Variants in FHIT observed in about 807,000 individuals in gnomAD.
The protein encoded by FHIT is bis(5'-adenosyl)-triphosphatase.
In FHIT, 19 loss-of-function variants were observed where a neutral mutation model predicts 17.9. The observed-to-expected ratio is 1.06, with a 90% CI of 0.74 to 1.56. The LOEUF is 1.56. FHIT is among the 40% of genes most tolerant of loss of function. FHIT has a pLI of 0.00. For missense variants in FHIT, 248 were observed against 189.2 expected (o/e 1.31, Z -1.82); for synonymous variants, 81 against 69.7 (o/e 1.16, Z -0.81).
At chr3:60,029,869 C>T (rs1700913651) in intron 5 of FHIT, among the ~76,000 whole-genome samples, 2 of 78,666 alleles carry the variant, frequency 2.5e-5, no homozygotes, top group Non-Finnish European at 2.6e-5. Context: ...CAGATGTCCT[C>T]ATAGAAGCAT....
chr3:59,797,109 T>TGTAA (rs1162395113), intron 8 of FHIT, among the ~76,000 whole-genome samples: 1 of 151,408 alleles, frequency 6.6e-6, no homozygotes, highest in Non-Finnish European at 1.5e-5. Flanking sequence ...AAGAGAAAAG[T>TGTAA]GTAAGACAGA....
At position 61,176,894 on chromosome 3, in the gene FHIT, G is replaced by A. The variant is rs546844795; in HGVS notation, c.-164+23723C>T. Among the ~76,000 whole-genome samples the A allele has an allele frequency of 2.0e-5, 3 of 152,296 alleles. No individual in the cohort carries two copies. In the East Asian group the frequency reaches 5.8e-4, roughly 29 times the overall value. Reference sequence around the variant, plus strand: ...AAGAGATCTTGAAAGAAAGGGAACCGGCCGGGCGTGGTGGCTCACGCCTGT... The same window carrying A: ...AAGAGATCTTGAAAGAAAGGGAACCAGCCGGGCGTGGTGGCTCACGCCTGT... On this transcript the variant is annotated intron_variant, in intron 2 of 9. Transcript: ENST00000492590.
chr3:60,156,121 A>G (rs551033068), intron 5 of FHIT, among the ~76,000 whole-genome samples: 1 of 152,244 alleles, frequency 6.6e-6, no homozygotes, highest in African/African-American at 2.4e-5. Flanking sequence ...TGGGAGGCCC[A>G]GGCTGGAGGA....
At chr3:60,934,084 C>T (rs1344662285) in intron 3 of FHIT, among the ~76,000 whole-genome samples, 3 of 152,120 alleles carry the variant, frequency 2.0e-5, no homozygotes, top group Admixed American at 1.3e-4. Flanking sequence ...CTGATTGCAG[C>T]TGCAGCAATC....
chr3:59,873,967 C>CT (rs568659736), intron 8 of FHIT, among the ~76,000 whole-genome samples: 79 of 150,284 alleles, frequency 5.3e-4, no homozygotes, highest in East Asian at 1.6e-3. Context: ...CCAAGCAACA[C>CT]TTTTTTTTTT....
chr3:60,910,795 C>A (rs1553765702), intron 3 of FHIT, among the ~76,000 whole-genome samples: 1 of 152,120 alleles, frequency 6.6e-6, no homozygotes, highest in Admixed American at 6.5e-5. Context: ...GAGCTTTGGG[C>A]CACAAAATCC....
intron 5 of FHIT, among the ~76,000 whole-genome samples, chr3:60,399,666 CAATG>C (rs938546341): frequency 1.3e-5 from 2 of 152,180 alleles, no homozygotes; most frequent in African/African-American, 2.4e-5. Context: ...TATTGGCTGA[CAATG>C]AGGTGGTAAT....
intron 5 of FHIT, among the ~76,000 whole-genome samples, chr3:60,516,440 G>T (rs2035160819): frequency 6.6e-6 from 1 of 152,132 alleles, no homozygotes; most frequent in Non-Finnish European, 1.5e-5. Context: ...CATATAGTTG[G>T]AAAAGGAACT....
intron 1 of FHIT, among the ~76,000 whole-genome samples, chr3:61,240,159 A>T (rs1019734326): frequency 6.6e-6 from 1 of 152,076 alleles, no homozygotes; most frequent in South Asian, 2.1e-4. Context: ...TCAGCTGTAG[A>T]TTTTTCTGAA....
chr3:61,014,993 C>G (rs557687321), intron 3 of FHIT, among the ~76,000 whole-genome samples: 1 of 150,658 alleles, frequency 6.6e-6, no homozygotes, highest in African/African-American at 2.4e-5. Context: ...AAAAGGTATG[C>G]GTAAAAAGGA....
chr3:60,382,563 C>T (rs1478896246), intron 5 of FHIT, among the ~76,000 whole-genome samples: 1 of 152,028 alleles, frequency 6.6e-6, no homozygotes, highest in Non-Finnish European at 1.5e-5. Flanking sequence ...TCCATTTTAC[C>T]TACATGTGAA....
intron 5 of FHIT, among the ~76,000 whole-genome samples, chr3:60,502,669 A>G (rs1405748950): frequency 6.6e-6 from 1 of 152,186 alleles, no homozygotes; most frequent in East Asian, 1.9e-4. Flanking sequence ...TTAAGCACTC[A>G]ATAGAACAGA....
intron 2 of FHIT, among the ~76,000 whole-genome samples, chr3:61,043,769 T>C (rs2033647320): frequency 6.6e-6 from 1 of 152,194 alleles, no homozygotes. Flanking sequence ...AGTACCCCTC[T>C]GAGACAAAGC....
intron 4 of FHIT, among the ~76,000 whole-genome samples, chr3:60,549,767 G>C (rs949958328): frequency 6.6e-6 from 1 of 152,132 alleles, no homozygotes; most frequent in Non-Finnish European, 1.5e-5. Flanking sequence ...CAGGAAGTCA[G>C]ACACAATGAA....
At chr3:60,031,783 G>A (rs1377075613) in intron 5 of FHIT, among the ~76,000 whole-genome samples, 2 of 152,080 alleles carry the variant, frequency 1.3e-5, no homozygotes, top group East Asian at 1.9e-4. Flanking sequence ...TTAGCAGAGG[G>A]TGCATGGATA....
At chr3:61,117,021 T>G (rs2036317877) in intron 2 of FHIT, among the ~76,000 whole-genome samples, 1 of 152,090 alleles carries the variant, frequency 6.6e-6, no homozygotes, top group Admixed American at 6.6e-5. Context: ...TATAATGAAA[T>G]TACATTTACC....
chr3:61,099,556 G>T (rs1045317279), intron 2 of FHIT, among the ~76,000 whole-genome samples: 2 of 151,904 alleles, frequency 1.3e-5, no homozygotes, highest in Admixed American at 1.3e-4. Context: ...GGCTTTTTTT[G>T]GTTGGTAGGC....
intron 5 of FHIT, among the ~76,000 whole-genome samples, chr3:60,441,801 TATATA>T (rs2030896991): frequency 8.1e-6 from 1 of 123,290 alleles, no homozygotes; most frequent in Non-Finnish European, 1.7e-5. Context: ...TATATATATA[TATATA>T]TATATATATC....
chr3:60,599,464 T>C (rs1364787250), intron 4 of FHIT, among the ~76,000 whole-genome samples: 1 of 152,152 alleles, frequency 6.6e-6, no homozygotes, highest in Non-Finnish European at 1.5e-5. Flanking sequence ...ATCTAAAATT[T>C]TTATTTGTTA....
Sources: allele counts gnomAD v4.1 joint callset (sites outside exome capture counted in the v4.1 genomes callset), GRCh38; gene constraint gnomAD v4.1.1; transcripts MANE v1.5; gene names NCBI Gene and HGNC (gene_info 2026-07-23, HGNC 2026-07-21).